The following BRI3 variants were observed in gnomAD, a reference collection of about 807,000 sequenced individuals.
BRI3 encodes the protein brain protein I3, also known as membrane protein BRI3.
A neutral mutation model predicts 12.8 loss-of-function variants in BRI3; 6 were observed. The observed-to-expected ratio is 0.47, with a 90% CI of 0.26 to 0.93. The LOEUF is 0.93. Among genes scored for constraint, BRI3 ranks in the 40% least tolerant of loss-of-function variants. The probability of loss-of-function intolerance (pLI) is 0.15; values close to 1 mark genes in which losing one functional copy is unlikely to be tolerated. For synonymous variants in BRI3, 91 were observed against 76.1 expected (o/e 1.20, Z -1.02); for missense variants, 134 against 171.1 (o/e 0.78, Z 1.21).
chr7:98,306,330 A>G, upstream of BRI3: 1 of 1,315,954 alleles, frequency 7.6e-7, no homozygotes, highest in Admixed American at 1.7e-5. Flanking sequence ...AGTCCACGAG[A>G]GCTGAGGCTT....
chr7:98,307,785 T>C (rs745532455), exon 2 of BRI3: 1 of 1,614,260 alleles, frequency 6.2e-7, no homozygotes, highest in Non-Finnish European at 8.5e-7. Flanking sequence ...GAGTAAGGTC[T>C]TGTTGGAGCC....
exon 2 of BRI3, chr7:98,308,146 T>C (rs1584435706): frequency 1.6e-6 from 1 of 626,574 alleles, no homozygotes; most frequent in East Asian, 3.3e-5. Flanking sequence ...CTGCGGGCTC[T>C]TTTCCAGGCC....
chr7:98,323,231 G>A, the BRI3 span: 2 of 152,126 alleles, frequency 1.3e-5, no homozygotes, highest in African/African-American at 4.8e-5. Flanking sequence ...CCATTAATAT[G>A]CCATTTTATA....
At position 98,291,152 on chromosome 7, in the gene BRI3, TC is replaced by T; in HGVS notation, c.289del (p.Leu97TrpfsTer16). ...LEDCFTFLGIFLAIILFPFGF... is the reference protein window; with the variant it reads ...LEDCFTFLGIXLAIILFPFGF... ...GACTGCTTCACCTTCCTGGGCATCT[TC>T]CTGGCCATCATCCTCTTCCCCTTTG... is the stretch of plus-strand genomic sequence containing the variant. On this transcript the variant is annotated frameshift_variant, in exon 3 of 3. Coordinates refer to ENST00000297290, the MANE Select transcript of BRI3 (RefSeq NM_015379.5). LOFTEE classifies it high-confidence loss of function. 1 of 1,614,156 alleles carries T rather than the reference TC, an allele frequency of 6.2e-7. No individual in the cohort carries two copies. The highest frequency in any genetic ancestry group is 8.5e-7 in the Non-Finnish European group (1 of 1,180,004).
At chr7:98,293,741 AGT>A (rs910840569), downstream of BRI3, 13 of 766,394 alleles carry the variant, frequency 1.7e-5, no homozygotes, top group East Asian at 7.7e-5. Context: ...GCGTTTTCTG[AGT>A]GTGAAAGTTT....
At chr7:98,290,949 G>A (rs922436553) in intron 2 of BRI3, among the ~76,000 whole-genome samples, 162 bp from the exon 3 acceptor site, 5 of 149,262 alleles carry the variant, frequency 3.3e-5, no homozygotes, top group Admixed American at 3.3e-4. Context: ...CCAGTGGGCT[G>A]TAGCTGGGTG....
chr7:98,286,144 T>G (rs564795827), intron 2 of BRI3, among the ~76,000 whole-genome samples: 52 of 152,252 alleles, frequency 3.4e-4, no homozygotes, highest in Admixed American at 3.2e-3. Flanking sequence ...CAGCCACGCC[T>G]TTCCCGGCTG....
chr7:98,320,625 G>A, the BRI3 span, among the ~76,000 whole-genome samples: 10 of 152,096 alleles, frequency 6.6e-5, no homozygotes, highest in Non-Finnish European at 1.3e-4. Context: ...GTGAGCCGCC[G>A]CGCCAGGCCC....
downstream of BRI3, among the ~76,000 whole-genome samples, chr7:98,315,177 A>G (rs1176392064): frequency 6.6e-6 from 1 of 152,212 alleles, no homozygotes; most frequent in Non-Finnish European, 1.5e-5. Context: ...GTTGGAGTGC[A>G]GTGGCACAAT....
At chr7:98,291,606 C>T (rs1799959092), downstream of BRI3, 1 of 893,650 alleles carries the variant, frequency 1.1e-6, no homozygotes. Context: ...CCCGGCCAGT[C>T]CTGACCACAG....
chr7:98,310,162 G>A, exon 2 of BRI3: 1 of 325,280 alleles, frequency 3.1e-6, no homozygotes, highest in Non-Finnish European at 5.6e-6. Flanking sequence ...CCATTTATTT[G>A]TAAATAGATA....
chr7:98,317,744 G>A, the BRI3 span, among the ~76,000 whole-genome samples: 44 of 143,938 alleles, frequency 3.1e-4, no homozygotes, highest in African/African-American at 1.1e-3. Context: ...GTTGGCTGGG[G>A]ACGCTCACCA....
chr7:98,312,207 TG>T (rs1800900457), downstream of BRI3: 1 of 1,614,180 alleles, frequency 6.2e-7, no homozygotes, highest in South Asian at 1.1e-5. Flanking sequence ...GGCACTTTGA[TG>T]GCATCAACAC....
At chr7:98,323,214 C>T in the BRI3 span, 1 of 152,148 alleles carries the variant, frequency 6.6e-6, no homozygotes, top group Admixed American at 6.6e-5. Flanking sequence ...CAGCCAAGAG[C>T]ATAATTCCAT....
intron 1 of BRI3, among the ~76,000 whole-genome samples, chr7:98,298,092 C>A (rs986155364): frequency 3.9e-5 from 6 of 152,130 alleles, no homozygotes; most frequent in Non-Finnish European, 7.4e-5. Context: ...AGAGATATCA[C>A]GTGACCTGTG....
chr7:98,320,431 G>A, the BRI3 span: 714 of 651,068 alleles, frequency 1.1e-3, 3 homozygotes, highest in African/African-American at 0.012. Context: ...CGCCTCCCGG[G>A]TTCAAACTAT....
exon 1 of BRI3, chr7:98,306,582 A>G: frequency 6.2e-7 from 1 of 1,611,924 alleles, no homozygotes; most frequent in Non-Finnish European, 8.5e-7. Flanking sequence ...CTCCCTGAAC[A>G]ACCTGGTGAG....
exon 2 of BRI3, chr7:98,308,491 G>T: frequency 8.2e-6 from 3 of 363,884 alleles, no homozygotes; most frequent in Non-Finnish European, 1.6e-5. Flanking sequence ...CAGGAGGAAG[G>T]TGCTGCTATT....
At chr7:98,307,249 G>A (rs1004629909) in intron 1 of BRI3, 2 of 301,208 alleles carry the variant, frequency 6.6e-6, no homozygotes, top group Middle Eastern at 3.0e-3. Context: ...GGGATTACAG[G>A]CGCCTGCCAC....
Sources: gnomAD v4.1 joint callset for allele counts (sites outside exome capture counted in the v4.1 genomes callset) on GRCh38, gnomAD v4.1.1 for gene constraint, MANE v1.5 for transcripts, NCBI Gene and HGNC (gene_info 2026-07-23, HGNC 2026-07-21) for gene names.